TOGARAM1: variants seen among roughly 807,000 people sequenced by gnomAD.
TOGARAM1 encodes TOG array regulator of axonemal microtubules 1.
In TOGARAM1, 100 loss-of-function variants were observed where a neutral mutation model predicts 166.6. The observed-to-expected ratio is 0.60, with a 90% CI of 0.51 to 0.71. The LOEUF (loss-of-function observed/expected upper bound fraction) is 0.71, where lower values mean the gene tolerates loss of function less well. Among genes scored for constraint, TOGARAM1 ranks in the 30% least tolerant of loss-of-function variants. The pLI is 0.00. For synonymous variants in TOGARAM1, 758 were observed against 763.8 expected (o/e 0.99, Z 0.13); for missense variants, 2,029 against 2,102.7 (o/e 0.96, Z 0.69).
intron 1 of TOGARAM1, among the ~76,000 whole-genome samples, chr14:44,988,830 G>A (rs1886989618): frequency 6.6e-6 from 1 of 152,228 alleles, no homozygotes; most frequent in African/African-American, 2.4e-5. Context: ...CATGTCTTGA[G>A]TAGCCCCTTG....
chr14:45,039,860 G>A (rs902926430), intron 11 of TOGARAM1, among the ~76,000 whole-genome samples: 9 of 152,260 alleles, frequency 5.9e-5, no homozygotes, highest in African/African-American at 2.2e-4. Flanking sequence ...GCTCCCACCT[G>A]TTCCTGGCTC....
At chr14:44,986,863 G>A (rs556161115) in intron 1 of TOGARAM1, among the ~76,000 whole-genome samples, 15 of 151,106 alleles carry the variant, frequency 9.9e-5, no homozygotes, top group East Asian at 8.1e-4. Flanking sequence ...AAAATTAGCC[G>A]GGCGTGGTGG....
At chr14:44,997,054 T>C (rs975681851) in intron 2 of TOGARAM1, 5 of 152,242 alleles carry the variant, frequency 3.3e-5, no homozygotes, top group Non-Finnish European at 7.3e-5. Context: ...GAATCTGTTG[T>C]AGTAATCGTG....
intron 11 of TOGARAM1, chr14:45,042,427 A>T (rs1243549264): frequency 6.6e-6 from 1 of 151,142 alleles, no homozygotes; most frequent in African/African-American, 2.5e-5. Flanking sequence ...TGCATCAAGA[A>T]GATGTATCAG....
chr14:45,058,432 C>T (rs1882747607), intron 16 of TOGARAM1, among the ~76,000 whole-genome samples: 1 of 151,914 alleles, frequency 6.6e-6, no homozygotes, highest in Admixed American at 6.6e-5. Context: ...GTAGCTGGGA[C>T]TATAGGCACA....
intron 1 of TOGARAM1, among the ~76,000 whole-genome samples, chr14:44,974,966 G>T (rs1280476627): frequency 6.6e-6 from 1 of 152,128 alleles, no homozygotes; most frequent in African/African-American, 2.4e-5. Flanking sequence ...GAGGGGGGAA[G>T]TGTTCTGTAG....
intron 9 of TOGARAM1, among the ~76,000 whole-genome samples, chr14:45,027,874 GA>G (rs1278893001): frequency 0.021 from 2,049 of 99,512 alleles, 32 homozygotes; most frequent in African/African-American, 0.062. Context: ...ACTGTCTCAA[GA>G]AAAAAAAAAA....
intron 10 of TOGARAM1, among the ~76,000 whole-genome samples, chr14:45,031,267 C>A (rs947032518): frequency 1.3e-5 from 2 of 152,102 alleles, no homozygotes; most frequent in Non-Finnish European, 2.9e-5. Flanking sequence ...TTCTATTTGA[C>A]CCTTTTCTTT....
intron 1 of TOGARAM1, among the ~76,000 whole-genome samples, chr14:44,986,506 A>G (rs1886802912): frequency 6.6e-6 from 1 of 152,050 alleles, no homozygotes; most frequent in South Asian, 2.1e-4. Context: ...CCTGTTGCCT[A>G]GGCTGGTGTT....
intron 4 of TOGARAM1, 59 bp from the exon 5 acceptor site, chr14:45,005,949 T>C: frequency 7.0e-7 from 1 of 1,433,732 alleles, no homozygotes; most frequent in Non-Finnish European, 9.3e-7. Flanking sequence ...CTTGTGACTA[T>C]AACTCCCTCT....
At chr14:45,036,842 A>G (rs1461866081) in intron 11 of TOGARAM1, among the ~76,000 whole-genome samples, 1 of 152,248 alleles carries the variant, frequency 6.6e-6, no homozygotes, top group East Asian at 1.9e-4. Flanking sequence ...GCTGATAAAG[A>G]CATATCCAAG....
At chr14:45,028,833 A>C (rs1382891091) in intron 10 of TOGARAM1, among the ~76,000 whole-genome samples, 1 of 152,188 alleles carries the variant, frequency 6.6e-6, no homozygotes, top group East Asian at 1.9e-4. Context: ...AATCATGTGA[A>C]CTATAATAAA....
At chr14:44,992,074 A>T (rs1250698225) in intron 1 of TOGARAM1, among the ~76,000 whole-genome samples, 68 of 12,520 alleles carry the variant, frequency 5.4e-3, no homozygotes, top group African/African-American at 0.012. Context: ...CTGTCTGTTA[A>T]AAAAAAAAAA....
At chr14:44,989,802 A>G (rs1887032798) in intron 1 of TOGARAM1, among the ~76,000 whole-genome samples, 1 of 152,220 alleles carries the variant, frequency 6.6e-6, no homozygotes, top group South Asian at 2.1e-4. Context: ...CACTGCTATA[A>G]AGAACTGCCC....
chr14:45,068,582 C>T lies in TOGARAM1; in HGVS notation c.4908C>T (p.Ser1636=). ...CAATAGTGGATAACAATCTGAATTC[C>T]AAGAATCCAGGCATCTATGCGGCTG... ...IPAIVDNNLN[S]KNPGIYAAAT... Residue 1636 remains serine, a synonymous_variant, in exon 18 of 20, where the codon TCC becomes TCT. Transcript: ENST00000361462. The T allele has an allele frequency of 6.2e-7, 1 of 1,613,170 alleles. No homozygotes were observed. Among genetic ancestry groups the T allele is most frequent in the Non-Finnish European group, 8.5e-7 (1 of 1,179,558 alleles).
chr14:44,986,954 G>A (rs1484453519), intron 1 of TOGARAM1, among the ~76,000 whole-genome samples: 2 of 148,344 alleles, frequency 1.3e-5, no homozygotes, highest in East Asian at 2.0e-4. Context: ...GCAGTGAACC[G>A]AGATTGCGCC....
chr14:44,994,093 C>G (rs569447215), intron 1 of TOGARAM1, among the ~76,000 whole-genome samples: 9 of 152,102 alleles, frequency 5.9e-5, no homozygotes, highest in African/African-American at 2.2e-4. Flanking sequence ...AAAGTCAATC[C>G]TTTTTTATTA....
chr14:45,016,291 G>C (rs1477517188), intron 7 of TOGARAM1, among the ~76,000 whole-genome samples: 1 of 152,142 alleles, frequency 6.6e-6, no homozygotes, highest in Non-Finnish European at 1.5e-5. Flanking sequence ...AGCTACTAGG[G>C]AGGCAGAAGT....
intron 2 of TOGARAM1, among the ~76,000 whole-genome samples, chr14:44,997,896 T>C (rs977831502): frequency 6.6e-6 from 1 of 151,984 alleles, no homozygotes. Context: ...ACCCAGGTAA[T>C]AAGAAAAATT....
Sources: allele counts gnomAD v4.1 joint callset (sites outside exome capture counted in the v4.1 genomes callset), GRCh38; gene constraint gnomAD v4.1.1; transcripts MANE v1.5; gene names NCBI Gene and HGNC (gene_info 2026-07-23, HGNC 2026-07-21).